The following SPINT1 variants were observed in gnomAD, a reference collection of about 807,000 sequenced individuals.
The protein encoded by SPINT1 is kunitz-type protease inhibitor 1.
A neutral mutation model predicts 53.7 loss-of-function variants in SPINT1; 38 were observed. The ratio of observed to expected loss-of-function variants is 0.71; its 90% CI spans 0.55 to 0.93. The LOEUF (loss-of-function observed/expected upper bound fraction) is 0.93, where lower values mean the gene tolerates loss of function less well. SPINT1 is among the 40% of genes least tolerant of loss of function. The probability of loss-of-function intolerance (pLI) is 0.00; values close to 1 mark genes in which losing one functional copy is unlikely to be tolerated. For synonymous variants in SPINT1, 283 were observed against 280.6 expected, an observed-to-expected ratio of 1.01 and a Z score of -0.08; for missense variants, 645 against 692.9, an observed-to-expected ratio of 0.93 and a Z score of 0.78.
At position 40,844,079 on chromosome 15, in the gene SPINT1, C is replaced by A; in HGVS notation, c.-173C>A. 1 of 429,996 alleles carries A rather than the reference C, an allele frequency of 2.3e-6. No individual in the cohort carries two copies. The highest frequency in any genetic ancestry group is 4.6e-6 in the Non-Finnish European group (1 of 216,866). 26.6% of individuals were successfully genotyped at this position (429,996 alleles called of 1,614,324 possible). On this transcript the variant is annotated 5_prime_UTR_variant, in exon 1 of 11. Coordinates refer to ENST00000562057, the MANE Select transcript of SPINT1 (RefSeq NM_003710.4). The surrounding 1 kb of genome is among the most constrained non-coding windows in gnomAD (Gnocchi z 5.8). ...ACCAGAAACCAGGGGGAGAAGGCGGCCGAGCCCCAGCTCTCCGAGCACCGG... is the reference window on the plus strand; with the variant it reads ...ACCAGAAACCAGGGGGAGAAGGCGGACGAGCCCCAGCTCTCCGAGCACCGG...
intron 2 of SPINT1, among the ~76,000 whole-genome samples, chr15:40,852,645 G>A (rs982045212): frequency 2.0e-5 from 3 of 151,944 alleles, no homozygotes; most frequent in Admixed American, 2.0e-4. Context: ...GTGTGTGTGT[G>A]TGTGTGTGTG....
chr15:40,853,199 T>G lies in SPINT1; in HGVS notation c.551T>G (p.Val184Gly). 3.7e-6 allele frequency: 6 copies of G among 1,614,150 alleles called. No individual in the cohort carries two copies. Among genetic ancestry groups the G allele is most frequent in the Non-Finnish European group, 5.1e-6 (6 of 1,180,006 alleles). ...QPQEPLVLKD[V>G]ENTDWRLLRG... ...CAGGAACCCCTGGTGCTGAAGGATGTGGAAAACACAGATTGGCGCCTACTG... is the reference window on the plus strand; with the variant it reads ...CAGGAACCCCTGGTGCTGAAGGATGGGGAAAACACAGATTGGCGCCTACTG... Residue 184 changes from valine to glycine, a missense_variant, in exon 3 of 11, where the codon GTG (valine) becomes GGG (glycine). Coordinates refer to ENST00000562057, the MANE Select transcript of SPINT1 (RefSeq NM_003710.4).
intron 6 of SPINT1, 28 bp downstream of exon 6, chr15:40,854,114 C>T: frequency 6.5e-7 from 1 of 1,528,122 alleles, no homozygotes; most frequent in Non-Finnish European, 8.8e-7. Flanking sequence ...CCCCATCCCC[C>T]ATCCCCACCA....
At chr15:40,854,587 A>C in intron 7 of SPINT1, 52 bp from the exon 8 acceptor site, 1 of 1,613,998 alleles carries the variant, frequency 6.2e-7, no homozygotes, top group Non-Finnish European at 8.5e-7. Flanking sequence ...CTTGCCCTGA[A>C]CCCCTGGGAG....
In SPINT1 at chr15:40,853,712, C is replaced by G; in HGVS notation, c.744C>G (p.Asp248Glu). 6.2e-7 allele frequency: 1 copy of G among 1,614,096 alleles called. No homozygotes were observed. The highest frequency in any genetic ancestry group is 8.5e-7 in the Non-Finnish European group (1 of 1,179,938). ...VTVLSTKQTE[D>E]YCLASNKVGR... ...CCCCTCATAAGCTCTCCCCCCTAGA[C>G]TACTGCCTCGCATCCAACAAGGTGG... The change falls in exon 5 of 11, where the codon GAC becomes GAG. Residue 248 changes from aspartate (D) to glutamate (E), a missense_variant and splice_region_variant. Asp to Glu is a conservative substitution (Grantham distance 45, BLOSUM62 2). Coordinates refer to ENST00000562057, the MANE Select transcript of SPINT1 (RefSeq NM_003710.4).
chr15:40,854,054 TC>T lies in SPINT1; in HGVS notation c.914-3del. 1 of 1,540,932 alleles carries T rather than the reference TC, an allele frequency of 6.5e-7. No individual in the cohort carries two copies. On this transcript the variant is annotated splice_polypyrimidine_tract_variant and splice_region_variant and intron_variant, in intron 5 of 10. Transcript: ENST00000562057. ...GCCTCCTCTCATTCTCTGTTCTCTC[TC>T]CCAGGCCCCTCCATGGAAAGGCGCC...
intron 2 of SPINT1, among the ~76,000 whole-genome samples, chr15:40,849,844 C>T (rs1267537359): frequency 1.1e-5 from 1 of 92,578 alleles, no homozygotes. Context: ...TCATGGACTC[C>T]AGGGGTCAAT....
At chr15:40,846,786 C>A (rs1341062117) in intron 2 of SPINT1, among the ~76,000 whole-genome samples, 1 of 152,148 alleles carries the variant, frequency 6.6e-6, no homozygotes, top group Non-Finnish European at 1.5e-5. Context: ...TCCTCCCTAT[C>A]CTTCCAGTAG....
In SPINT1 at chr15:40,857,074, CCAGGCCCA is replaced by C; in HGVS notation, c.*101_*108del. On this transcript the variant is annotated 3_prime_UTR_variant, in exon 11 of 11. Transcript: ENST00000562057. ...TTGGAACCAGACTCTTGCCTGTTTC[CCAGGCCCA>C]CTGTGCCTCAGAGACCAGGGCTCCA... The C allele has an allele frequency of 6.8e-7, 1 of 1,476,954 alleles. No homozygotes were observed. The highest frequency in any genetic ancestry group is 9.2e-7 in the Non-Finnish European group (1 of 1,090,562). 91.5% of individuals were successfully genotyped at this position (1,476,954 alleles called of 1,614,324 possible).
rs1371046364 is a variant in SPINT1, at chr15:40,856,271, T to A, written c.1289-5T>A. 2 of 1,614,178 alleles carry A rather than the reference T, an allele frequency of 1.2e-6. No individual in the cohort carries two copies. The highest frequency in any genetic ancestry group is 4.5e-5 in the East Asian group (2 of 44,884). On this transcript the variant is annotated splice_polypyrimidine_tract_variant and splice_region_variant and intron_variant, in intron 9 of 10. Transcript: ENST00000562057. ...TGACTGGTCTTTCCCCTCATCATTC[T>A]GCAGAGAAGGATGTGTTTGGCCTGA...
chr15:40,856,726 A>C (rs746008701), intron 10 of SPINT1, 44 bp from the exon 11 acceptor site: 33 of 1,610,764 alleles, frequency 2.0e-5, no homozygotes, highest in Non-Finnish European at 2.5e-6. Flanking sequence ...TGTCAGAACC[A>C]GGCAGGCCCT....
At chr15:40,852,694 A>G (rs1891496416) in intron 2 of SPINT1, among the ~76,000 whole-genome samples, 1 of 151,194 alleles carries the variant, frequency 6.6e-6, no homozygotes, top group African/African-American at 2.4e-5. Context: ...CAGTTTGTTC[A>G]GTAATTTGCT....
intron 9 of SPINT1, 35 bp from the exon 10 acceptor site, chr15:40,856,241 A>G: frequency 6.2e-7 from 1 of 1,613,894 alleles, no homozygotes; most frequent in Non-Finnish European, 8.5e-7. Context: ...CTGAGCCCTC[A>G]GTACTGACTG....
At chr15:40,853,289 T>G in intron 3 of SPINT1, 38 bp downstream of exon 3, 1 of 1,613,010 alleles carries the variant, frequency 6.2e-7, no homozygotes, top group Non-Finnish European at 8.5e-7. Flanking sequence ...GCCCTCTGCC[T>G]GCCAGCCTTC....
chr15:40,852,627 C>CTGTCTGTGTGTGTG (rs10653499), intron 2 of SPINT1, among the ~76,000 whole-genome samples: 1 of 143,398 alleles, frequency 7.0e-6, no homozygotes, highest in African/African-American at 2.5e-5. Context: ...AAGTAAGTGT[C>CTGTCTGTGTGTGTG]TGTGTGTGTG....
Position 40,857,021 on chromosome 15 carries a change from A to G in SPINT1, c.*46A>G. The G allele has an allele frequency of 6.2e-7, 1 of 1,604,632 alleles. No homozygotes were observed. Among genetic ancestry groups the G allele is most frequent in the East Asian group, 2.2e-5 (1 of 44,656 alleles). On this transcript the variant is annotated 3_prime_UTR_variant, in exon 11 of 11. Transcript: ENST00000562057. ...CACCTGGCCCTGCTTCCTGCTTGCC[A>G]AGGCAGAGGCCTGGGCTGGGAAAAA...
rs549018143 is a variant in SPINT1 at position 40,855,632 on chromosome 15, G to A, written c.1118-260G>A. Among the ~76,000 whole-genome samples the A allele has an allele frequency of 3.9e-5, 6 of 152,322 alleles. No individual in the cohort carries two copies. The East Asian group carries it at 9.6e-4, about 24-fold the overall frequency. On this transcript the variant is annotated intron_variant, in intron 8 of 10. Transcript: ENST00000562057. Reference sequence around the variant, plus strand: ...CACCCAGTGTTGGAAAACTGAGACCGTGACCCAGTCAGAAAAGCTGAAAGA... The same window carrying A: ...CACCCAGTGTTGGAAAACTGAGACCATGACCCAGTCAGAAAAGCTGAAAGA...
Position 40,853,165 on chromosome 15 carries a change from G to T in SPINT1, c.517G>T (p.Val173Leu). ...PKAWAGIDLK[V>L]QPQEPLVLKD... ...GGCCTGGGCAGGCATAGACTTGAAG[G>T]TACAACCCCAGGAACCCCTGGTGCT... Residue 173 changes from valine (V) to leucine (L), a missense_variant, in exon 3 of 11, where the codon GTA (valine) becomes TTA (leucine). Transcript: ENST00000562057. 1 of 1,614,198 alleles carries T rather than the reference G, an allele frequency of 6.2e-7. No individual in the cohort carries two copies. Among genetic ancestry groups the T allele is most frequent in the Non-Finnish European group, 8.5e-7 (1 of 1,180,010 alleles).
chr15:40,855,813 C>A (rs1891615111), intron 8 of SPINT1, 79 bp from the exon 9 acceptor site: 3 of 1,498,430 alleles, frequency 2.0e-6, no homozygotes, highest in African/African-American at 2.8e-5. Context: ...AGGTGCTGGG[C>A]AGCAGCCACG....
Sources: gnomAD v4.1 joint callset for allele counts (sites outside exome capture counted in the v4.1 genomes callset) on GRCh38, gnomAD v4.1.1 for gene constraint, Gnocchi (gnomAD v3.1) non-coding constraint, MANE v1.5 for transcripts, NCBI Gene and HGNC (gene_info 2026-07-23, HGNC 2026-07-21) for gene names.